The following FHIT variants were observed in gnomAD, a reference collection of about 807,000 sequenced individuals.
The protein encoded by FHIT is fragile histidine triad diadenosine triphosphatase.
A neutral mutation model predicts 17.9 loss-of-function variants in FHIT; 19 were observed. The observed-to-expected ratio is 1.06, with a 90% CI of 0.74 to 1.56. The LOEUF is 1.56. Ranked by LOEUF, FHIT falls within the 40% of genes most tolerant of loss-of-function variation. FHIT has a pLI of 0.00. For synonymous variants in FHIT, 81 were observed against 69.7 expected, an observed-to-expected ratio of 1.16 and a Z score of -0.81; for missense variants, 248 against 189.2, an observed-to-expected ratio of 1.31 and a Z score of -1.82.
chr3:59,770,299 T>C (rs918005942), intron 8 of FHIT, among the ~76,000 whole-genome samples: 3 of 152,172 alleles, frequency 2.0e-5, no homozygotes, highest in Non-Finnish European at 4.4e-5. Flanking sequence ...GAAGCCCTAA[T>C]CCACAATGTC....
intron 2 of FHIT, among the ~76,000 whole-genome samples, chr3:61,142,261 C>T (rs946967658): frequency 1.3e-5 from 2 of 151,348 alleles, no homozygotes; most frequent in African/African-American, 4.8e-5. Context: ...CCCTTTTCTC[C>T]CAGGGACTAA....
At chr3:60,674,123 A>T (rs2040570345) in intron 4 of FHIT, among the ~76,000 whole-genome samples, 1 of 152,134 alleles carries the variant, frequency 6.6e-6, no homozygotes, top group African/African-American at 2.4e-5. Flanking sequence ...TTCAGATCAG[A>T]CAATTTCTAC....
At chr3:59,782,795 C>T (rs1702653930) in intron 8 of FHIT, among the ~76,000 whole-genome samples, 1 of 145,012 alleles carries the variant, frequency 6.9e-6, no homozygotes, top group African/African-American at 2.5e-5. Context: ...AAGTATTTAT[C>T]TTTCTGGCAT....
At chr3:61,236,196 ATATAG>A (rs1272215621) in intron 1 of FHIT, among the ~76,000 whole-genome samples, 1 of 148,100 alleles carries the variant, frequency 6.8e-6, no homozygotes. Context: ...TTGTTATAAT[ATATAG>A]TATATTATAT....
chr3:60,442,645 T>C (rs2030990451), intron 5 of FHIT, among the ~76,000 whole-genome samples: 2 of 152,160 alleles, frequency 1.3e-5, no homozygotes, highest in South Asian at 4.1e-4. Context: ...TCTGTTTTGG[T>C]AACAGTACCA....
chr3:60,528,297 C>T (rs241702), intron 5 of FHIT, among the ~76,000 whole-genome samples: 71,298 of 151,900 alleles, frequency 0.47, 17,096 homozygotes, highest in African/African-American at 0.53. Flanking sequence ...TCCAATAATG[C>T]ATTGTTAGTC....
At chr3:60,092,974 G>T (rs1487060766) in intron 5 of FHIT, among the ~76,000 whole-genome samples, 1 of 152,116 alleles carries the variant, frequency 6.6e-6, no homozygotes, top group Non-Finnish European at 1.5e-5. Flanking sequence ...AATTCCAAAT[G>T]GAAGAAAAAT....
chr3:60,880,909 G>A (rs141930058), intron 3 of FHIT, among the ~76,000 whole-genome samples: 100 of 152,196 alleles, frequency 6.6e-4, no homozygotes, highest in African/African-American at 1.9e-3. Context: ...TTAACAAAAC[G>A]ACAGAAGCAA....
chr3:60,895,657 CCTTCCTTCCTTTCTTTCTTTCTTTCTTT>C (rs1705756100), intron 3 of FHIT, among the ~76,000 whole-genome samples: 1 of 137,206 alleles, frequency 7.3e-6, no homozygotes, highest in African/African-American at 3.2e-5. Context: ...TTCCCTCCTT[CCTTCCTTCCTTTCTTTCTTTCTTTCTTT>C]CTTTCTTTCT....
In FHIT at chr3:60,133,989, T is replaced by C. The variant is rs951925744; in HGVS notation, c.104-119837A>G. Among the ~76,000 whole-genome samples, 19 of 152,108 alleles carry C rather than the reference T, an allele frequency of 1.2e-4. 2 individuals carry two copies. Among genetic ancestry groups the C allele is most frequent in the Non-Finnish European group, 1.3e-4 (9 of 68,018 alleles). On this transcript the variant is annotated intron_variant, in intron 5 of 9. Transcript: ENST00000492590. ...TTTATTTATTACTGTGCACAGTTCT[T>C]ACATTAACTGTTTGTTAAAGACTGA... is the stretch of plus-strand genomic sequence containing the variant.
At chr3:60,247,422 G>A (rs1705458019) in intron 5 of FHIT, among the ~76,000 whole-genome samples, 2 of 148,916 alleles carry the variant, frequency 1.3e-5, no homozygotes, top group Admixed American at 1.3e-4. Flanking sequence ...GAAGGAAGAA[G>A]ATGATGAAGA....
intron 3 of FHIT, among the ~76,000 whole-genome samples, chr3:60,909,386 A>T (rs1160146757): frequency 6.6e-6 from 1 of 151,410 alleles, no homozygotes; most frequent in East Asian, 1.9e-4. Flanking sequence ...AAAAAAAAAA[A>T]TGAGGGTAAT....
intron 1 of FHIT, among the ~76,000 whole-genome samples, chr3:61,239,641 C>T (rs936492531): frequency 2.0e-5 from 3 of 151,652 alleles, no homozygotes; most frequent in African/African-American, 7.3e-5. Flanking sequence ...CACTAGACTC[C>T]ATGAGGGCAG....
chr3:61,142,368 T>C (rs1176227106), intron 2 of FHIT, among the ~76,000 whole-genome samples: 1 of 151,650 alleles, frequency 6.6e-6, no homozygotes, highest in African/African-American at 2.4e-5. Flanking sequence ...TTATGCATCA[T>C]TTTGTACTAC....
Position 59,788,279 on chromosome 3 carries a change from G to A in FHIT, c.349-35958C>T, listed in dbSNP as rs538263589. ...TGAACTGCAATCATTTGAACATCCT[G>A]CCTCAATTGAATCATCCTGACAGCT... On this transcript the variant is annotated intron_variant, in intron 8 of 9. Transcript: ENST00000492590. Among the ~76,000 whole-genome samples the A allele has an allele frequency of 3.9e-5, 6 of 152,218 alleles. No homozygotes were observed. The East Asian group carries it at 1.2e-3, about 29-fold the overall frequency.
At chr3:60,890,593 G>A (rs1387174713) in intron 3 of FHIT, among the ~76,000 whole-genome samples, 1 of 152,274 alleles carries the variant, frequency 6.6e-6, no homozygotes, top group East Asian at 1.9e-4. Context: ...TCTAAACTTG[G>A]TACAATAATT....
At chr3:60,888,342 C>T (rs1328894204) in intron 3 of FHIT, among the ~76,000 whole-genome samples, 6 of 152,178 alleles carry the variant, frequency 3.9e-5, no homozygotes, top group Non-Finnish European at 4.4e-5. Flanking sequence ...GGCGAGGATA[C>T]AAGGGAAAGC....
intron 7 of FHIT, among the ~76,000 whole-genome samples, chr3:59,928,417 T>TCTACTTC (rs1705780375): frequency 6.6e-6 from 1 of 152,148 alleles, no homozygotes; most frequent in East Asian, 1.9e-4. Context: ...TTGTAAACTT[T>TCTACTTC]CTACTTCAAA....
chr3:60,178,165 G>C (rs955653331), intron 5 of FHIT, among the ~76,000 whole-genome samples: 25 of 152,188 alleles, frequency 1.6e-4, no homozygotes, highest in Admixed American at 1.2e-3. Context: ...GTGCCAGAGA[G>C]CCAAGTCAAC....
Sources: gnomAD v4.1 joint callset for allele counts (sites outside exome capture counted in the v4.1 genomes callset) on GRCh38, gnomAD v4.1.1 for gene constraint, MANE v1.5 for transcripts, NCBI Gene and HGNC (gene_info 2026-07-23, HGNC 2026-07-21) for gene names.